PNPLA7: variants seen among roughly 807,000 people sequenced by gnomAD.
PNPLA7 encodes patatin like domain 7, lysophospholipase.
Under a neutral mutation model 161.7 loss-of-function variants are expected in PNPLA7, and 153 were observed. The observed-to-expected ratio is 0.95, with a 90% confidence interval of 0.83 to 1.08. The LOEUF (loss-of-function observed/expected upper bound fraction) is 1.08, where lower values mean the gene tolerates loss of function less well. Among genes scored for constraint, PNPLA7 ranks in the 50% least tolerant of loss-of-function variants. The pLI, the probability that PNPLA7 is intolerant of heterozygous loss-of-function variation, is 0.00. For synonymous variants in PNPLA7, 809 were observed against 782.1 expected (o/e 1.03, Z -0.57); for missense variants, 1,739 against 1,856.6 (o/e 0.94, Z 1.16).
chr9:137,514,463 C>T (rs976270368), intron 12 of PNPLA7, among the ~76,000 whole-genome samples: 10 of 123,546 alleles, frequency 8.1e-5, no homozygotes, highest in Non-Finnish European at 1.5e-4. Context: ...GGTCACCTGG[C>T]TGTTGAGATG....
chr9:137,462,134 G>C, intron 31 of PNPLA7, 45 bp downstream of exon 31: 1 of 1,531,632 alleles, frequency 6.5e-7, no homozygotes, highest in Non-Finnish European at 8.8e-7. Flanking sequence ...GCAGCCACCA[G>C]AGTGCCTCCG....
Position 137,521,684 on chromosome 9 carries a change from A to G in PNPLA7, c.909T>C (p.Phe303=). Residue 303 remains phenylalanine (F), a synonymous_variant, in exon 10 of 35, where the codon TTT becomes TTC. Coordinates refer to ENST00000406427, the MANE Select transcript of PNPLA7 (RefSeq NM_001098537.3). The part of the protein sequence containing the change: ...IIMVRLQRVT[F]LALHNYLGLT... ...GGCCGAGGTAGTTGTGCAGAGCCAGAAAGGTCACCCTCTGCAGCCGCACCA... is the reference window on the plus strand; with the variant it reads ...GGCCGAGGTAGTTGTGCAGAGCCAGGAAGGTCACCCTCTGCAGCCGCACCA... 6 of 1,611,892 alleles carry G rather than the reference A, an allele frequency of 3.7e-6. No individual in the cohort carries two copies. Among genetic ancestry groups the G allele is most frequent in the Non-Finnish European group, 5.1e-6 (6 of 1,179,794 alleles).
chr9:137,540,568 C>A lies in PNPLA7; in HGVS notation c.747+74G>T, dbSNP rs1040323185. On this transcript the variant is annotated intron_variant, in intron 8 of 34. Coordinates refer to ENST00000406427, the MANE Select transcript of PNPLA7 (RefSeq NM_001098537.3). The surrounding 1 kb of genome is among the most constrained non-coding windows in gnomAD (Gnocchi z 5.1). ...TGGCCTTTAACCACTACCAGCTGTCCAGACAAGACAGAAAAACCAGGCCTC... is the reference window on the plus strand; with the variant it reads ...TGGCCTTTAACCACTACCAGCTGTCAAGACAAGACAGAAAAACCAGGCCTC... 2 of 1,326,816 alleles carry A rather than the reference C, an allele frequency of 1.5e-6. No individual in the cohort carries two copies. Among genetic ancestry groups the A allele is most frequent in the African/African-American group, 1.5e-5 (1 of 68,734 alleles). The allele number at this position is 1,326,816 out of a possible 1,614,324, so 82.2% of individuals were successfully genotyped here.
chr9:137,486,154 C>T lies in PNPLA7; in HGVS notation c.2198-1418G>A, dbSNP rs926009146. ...GGTGGCTTCCAAAATCCACCAGACA[C>T]GCAGGTCCTGATTGGCCAAGGTCAG... On this transcript the variant is annotated intron_variant, in intron 20 of 34. Transcript: ENST00000406427. The surrounding 1 kb of genome is among the most constrained non-coding windows in gnomAD (Gnocchi z 6.0). Among the ~76,000 whole-genome samples the T allele has an allele frequency of 1.3e-5, 2 of 151,962 alleles. No homozygotes were observed. The highest frequency in any genetic ancestry group is 4.8e-5 in the African/African-American group (2 of 41,354).
intron 24 of PNPLA7, chr9:137,478,846 C>T (rs1314850699): frequency 3.0e-6 from 2 of 670,514 alleles, no homozygotes; most frequent in South Asian, 2.6e-5. Flanking sequence ...TGTGCCTGCC[C>T]CCACTGCACC....
At chr9:137,503,993 C>CAAGAAGAAGAAAGAAGAAGGAAG (rs1833747007) in intron 14 of PNPLA7, among the ~76,000 whole-genome samples, 1 of 9,490 alleles carries the variant, frequency 1.1e-4, no homozygotes, top group African/African-American at 3.6e-4. Flanking sequence ...AAGAAAGAAG[C>CAAGAAGAAGAAAGAAGAAGGAAG]AAGAAGAAGA....
At position 137,460,305 on chromosome 9, in the gene PNPLA7, T is replaced by C. The variant is rs1048924315; in HGVS notation, c.*88A>G. 17 of 1,360,478 alleles carry C rather than the reference T, an allele frequency of 1.2e-5. No homozygotes were observed. The highest frequency in any genetic ancestry group is 2.9e-5 in the African/African-American group (2 of 68,404). The allele number at this position is 1,360,478 out of a possible 1,614,324, so 84.3% of individuals were successfully genotyped here. ...AAGTCAGGGCTTCCAGCAGGGCAGG[T>C]ACAGAGGCCCCTAGGACTTGGCAGG... On this transcript the variant is annotated 3_prime_UTR_variant, in exon 35 of 35. Transcript: ENST00000406427.
chr9:137,537,982 A>G lies in PNPLA7; in HGVS notation c.747+2660T>C, dbSNP rs1448328898. On this transcript the variant is annotated intron_variant, in intron 8 of 34. Transcript: ENST00000406427. The surrounding 1 kb of genome is among the most constrained non-coding windows in gnomAD (Gnocchi z 4.5). The stretch of plus-strand genomic sequence containing the variant: ...ACCAAAGCTCCTGTGGTCCTTTCCC[A>G]GTTTTTCTCAGGCCCACAGGTGCCC... Among the ~76,000 whole-genome samples, 1 of 152,086 alleles carries G rather than the reference A, an allele frequency of 6.6e-6. No individual in the cohort carries two copies. The highest frequency in any genetic ancestry group is 1.5e-5 in the Non-Finnish European group (1 of 68,006).
intron 11 of PNPLA7, among the ~76,000 whole-genome samples, chr9:137,518,251 TC>T (rs2132453983): frequency 7.5e-6 from 1 of 133,046 alleles, no homozygotes; most frequent in East Asian, 2.4e-4. Context: ...GTCCACTCCA[TC>T]CCTCATTCAC....
chr9:137,474,980 C>T (rs1222910125), intron 25 of PNPLA7, among the ~76,000 whole-genome samples: 3 of 123,702 alleles, frequency 2.4e-5, no homozygotes, highest in African/African-American at 6.7e-5. Context: ...GAGCCGAGAT[C>T]GCTCACTGCG....
intron 8 of PNPLA7, among the ~76,000 whole-genome samples, chr9:137,532,210 G>A (rs1010114282): frequency 2.0e-5 from 3 of 152,238 alleles, no homozygotes; most frequent in African/African-American, 7.2e-5. Flanking sequence ...GCCCAGGAGG[G>A]CAGATCGCTT....
intron 18 of PNPLA7, 132 bp downstream of exon 18, chr9:137,497,055 G>T (rs947578051): frequency 4.2e-6 from 5 of 1,179,102 alleles, no homozygotes; most frequent in Middle Eastern, 6.4e-4. Flanking sequence ...CGGCTGCGGG[G>T]CATCACTACT....
intron 12 of PNPLA7, among the ~76,000 whole-genome samples, chr9:137,512,837 C>A (rs1447485834): frequency 6.6e-6 from 1 of 151,686 alleles, no homozygotes; most frequent in Non-Finnish European, 1.5e-5. Context: ...CAGTGGTGTG[C>A]CTGTACTCCC....
Position 137,486,544 on chromosome 9 carries a change from G to A in PNPLA7, c.2198-1808C>T, listed in dbSNP as rs1238361036. Among the ~76,000 whole-genome samples, 4 of 152,198 alleles carry A rather than the reference G, an allele frequency of 2.6e-5. No individual in the cohort carries two copies. The South Asian group carries it at 6.2e-4, about 24-fold the overall frequency. On this transcript the variant is annotated intron_variant, in intron 20 of 34. Transcript: ENST00000406427. The surrounding 1 kb of genome is among the most constrained non-coding windows in gnomAD (Gnocchi z 6.0). ...CAGGCAGAAACAGATAAATGATGCTGCCCATCCCACATCCCGAATGAGTGT... is the reference window on the plus strand; with the variant it reads ...CAGGCAGAAACAGATAAATGATGCTACCCATCCCACATCCCGAATGAGTGT...
rs1367423494 is a variant in PNPLA7, at chr9:137,464,334, G to T, written c.3156+6C>A. 1.2e-6 allele frequency: 2 copies of T among 1,612,268 alleles called. No individual in the cohort carries two copies. The highest frequency in any genetic ancestry group is 1.7e-5 in the Admixed American group (1 of 60,004). ...GCTGCATGGGCTCCTGAGGGTGGGG[G>T]TGCACCTCGATCTGCTGGTCCTTGA... On this transcript the variant is annotated splice_donor_region_variant and intron_variant, in intron 27 of 34. Transcript: ENST00000406427.
At position 137,520,931 on chromosome 9, in the gene PNPLA7, G is replaced by A. The variant is rs1285692877; in HGVS notation, c.957+705C>T. 6.6e-6 allele frequency among the ~76,000 whole-genome samples: 1 copy of A among 152,184 alleles called. No homozygotes were observed. The highest frequency in any genetic ancestry group is 1.5e-5 in the Non-Finnish European group (1 of 68,022). ...ACCCCATGGGACGGGCATGGGGAGG[G>A]GCAGCCTCTGCTGGACGCGGACGTA... On this transcript the variant is annotated intron_variant, in intron 10 of 34. Transcript: ENST00000406427. This position sits in a 1 kb window ranked among gnomAD's most constrained non-coding sequence, Gnocchi z 5.2.
chr9:137,546,798 G>A (rs577494623), intron 4 of PNPLA7, 32 bp downstream of exon 4: 198 of 1,605,996 alleles, frequency 1.2e-4, no homozygotes, highest in East Asian at 2.7e-4. Flanking sequence ...CGAGGAAGCC[G>A]TGTGCAGCCT....
chr9:137,463,976 G>A (rs1258284131), intron 28 of PNPLA7, 150 bp downstream of exon 28: 1 of 879,480 alleles, frequency 1.1e-6, no homozygotes, highest in South Asian at 1.7e-5. Context: ...CCCCTAGTAG[G>A]GGCATCCTGT....
At position 137,467,021 on chromosome 9, in the gene PNPLA7, C is replaced by T. The variant is rs1337722616; in HGVS notation, c.3039+296G>A. 2.0e-5 allele frequency among the ~76,000 whole-genome samples: 3 copies of T among 151,278 alleles called. No homozygotes were observed. The highest frequency in any genetic ancestry group is 4.4e-5 in the Non-Finnish European group (3 of 67,842). On this transcript the variant is annotated intron_variant, in intron 26 of 34. Coordinates refer to ENST00000406427, the MANE Select transcript of PNPLA7 (RefSeq NM_001098537.3). The surrounding 1 kb of genome is among the most constrained non-coding windows in gnomAD (Gnocchi z 5.1). ...GACCCGTGCACAGATCAGACCGCCT[C>T]CCACCACCGTCTCCATCACCTCAGA...
Sources: allele counts gnomAD v4.1 joint callset (sites outside exome capture counted in the v4.1 genomes callset), GRCh38; gene constraint gnomAD v4.1.1; non-coding constraint Gnocchi (gnomAD v3.1); transcripts MANE v1.5; gene names NCBI Gene and HGNC (gene_info 2026-07-23, HGNC 2026-07-21).